Variants in RPS6KA6 observed in about 807,000 individuals in gnomAD.
RPS6KA6 encodes ribosomal protein S6 kinase alpha-6.
Under a neutral mutation model 65.4 loss-of-function variants are expected in RPS6KA6, and 27 were observed. The ratio of observed to expected loss-of-function variants is 0.41; its 90% CI spans 0.30 to 0.57. The LOEUF is 0.57. Ranked by LOEUF, RPS6KA6 falls within the 20% of genes least tolerant of loss-of-function variation. RPS6KA6 has a pLI of 0.24. For synonymous variants in RPS6KA6, 190 were observed against 184.2 expected, an observed-to-expected ratio of 1.03 and a Z score of -0.26; for missense variants, 486 against 555.6, an observed-to-expected ratio of 0.87 and a Z score of 1.26.
intron 7 of RPS6KA6, 81 bp downstream of exon 7, chrX:84,135,023 T>C (rs751760231): frequency 2.5e-5 from 18 of 714,183 alleles, no homozygotes; most frequent in Non-Finnish European, 3.6e-5. Context: ...TTCCCTATAA[T>C]ATTTAAAAGA....
At chrX:84,170,696 A>AC (rs1197929504) in intron 1 of RPS6KA6, among the ~76,000 whole-genome samples, 1 of 111,304 alleles carries the variant, frequency 9.0e-6, no homozygotes, top group Non-Finnish European at 1.9e-5. Flanking sequence ...CCAGGACAAA[A>AC]TAAAACAGAG....
At chrX:84,095,003 T>A (rs1326325931) in intron 20 of RPS6KA6, among the ~76,000 whole-genome samples, 1 of 112,178 alleles carries the variant, frequency 8.9e-6, no homozygotes, top group African/African-American at 3.2e-5. Context: ...GAAATGAATT[T>A]TGGAGTTATA....
chrX:84,128,894 C>T lies in RPS6KA6; in HGVS notation c.646+5888G>A, dbSNP rs761760114. Reference sequence around the variant, plus strand: ...GAGACCTTGAACAATAAAACTACTACAAGAAAACATTGGATAAACTTGCCA... The same window carrying T: ...GAGACCTTGAACAATAAAACTACTATAAGAAAACATTGGATAAACTTGCCA... On this transcript the variant is annotated intron_variant, in intron 8 of 21. Transcript: ENST00000262752. 9.7e-4 allele frequency among the ~76,000 whole-genome samples: 108 copies of T among 111,861 alleles called. No homozygotes were observed. The South Asian group carries it at 0.011, about 12-fold the overall frequency.
In RPS6KA6 at chrX:84,141,303, T is replaced by C. The variant is rs185839915; in HGVS notation, c.501+4175A>G. The stretch of plus-strand genomic sequence containing the variant: ...GCCTGAAGACCATATTTTCCTGACC[T>C]CTGAGTTAAAACTTATACTACAAAT... On this transcript the variant is annotated intron_variant, in intron 6 of 21. Transcript: ENST00000262752. Among the ~76,000 whole-genome samples, 311 of 109,951 alleles carry C rather than the reference T, an allele frequency of 2.8e-3. 1 individual carries two copies. The highest frequency in any genetic ancestry group is 9.8e-3 in the African/African-American group (298 of 30,328).
At chrX:84,173,885 G>A (rs6622943) in intron 1 of RPS6KA6, among the ~76,000 whole-genome samples, 6,880 of 111,044 alleles carry the variant, frequency 0.062, 228 homozygotes, top group East Asian at 0.2. Flanking sequence ...ATTATGATAG[G>A]ATCACTTTTG....
chrX:84,075,928 A>G (rs973608172), intron 20 of RPS6KA6, among the ~76,000 whole-genome samples: 4 of 112,332 alleles, frequency 3.6e-5, no homozygotes, highest in Non-Finnish European at 5.6e-5. Context: ...AAAAACCATT[A>G]TAACTGCAAA....
chrX:84,106,543 T>C, intron 14 of RPS6KA6, 56 bp from the exon 15 acceptor site: 1 of 853,104 alleles, frequency 1.2e-6, no homozygotes, highest in South Asian at 2.5e-5. Context: ...TCACATTTTC[T>C]GTCTTTTGTC....
In RPS6KA6 at chrX:84,187,695, T is replaced by A. The variant is rs911358405; in HGVS notation, c.81+124A>T. 4 of 625,874 alleles carry A rather than the reference T, an allele frequency of 6.4e-6. No homozygotes were observed. In the African/African-American group the frequency reaches 9.3e-5, roughly 15 times the overall value. 51.6% of individuals were successfully genotyped at this position (625,874 alleles called of 1,213,427 possible). A position where few individuals can be genotyped will look rare whatever the true frequency, so the allele number is the denominator to read the frequency against. ...CAGCGAAAGGGCAGTGGAGGCAGCA[T>A]CAAGGGGGCTTGCCCGGGAGCCCGC... On this transcript the variant is annotated intron_variant, in intron 1 of 21. Coordinates refer to ENST00000262752, the MANE Select transcript of RPS6KA6 (RefSeq NM_014496.5).
intron 2 of RPS6KA6, 35 bp downstream of exon 2, chrX:84,164,293 A>T (rs1452409709): frequency 1.9e-6 from 2 of 1,053,816 alleles, no homozygotes; most frequent in South Asian, 3.9e-5. Context: ...TTATATGCTA[A>T]AAATGTGGCT....
At chrX:84,105,925 G>C (rs2034351869) in intron 15 of RPS6KA6, 49 bp from the exon 16 acceptor site, 1 of 707,424 alleles carries the variant, frequency 1.4e-6, no homozygotes, top group Non-Finnish European at 2.2e-6. Flanking sequence ...AAATTATTTT[G>C]TCTAAAATGA....
At position 84,062,864 on chromosome X, in the gene RPS6KA6, C is replaced by A. The variant is rs1314879268; in HGVS notation, c.*1413G>T. ...CACGCACAAGTAGTTCACTTATATT[C>A]ACTAAAGAAAACTGTGATATCCTCC... On this transcript the variant is annotated 3_prime_UTR_variant, in exon 22 of 22. Coordinates refer to ENST00000262752, the MANE Select transcript of RPS6KA6 (RefSeq NM_014496.5). 1 of 110,847 alleles carries A rather than the reference C, an allele frequency of 9.0e-6. No homozygotes were observed. The highest frequency in any genetic ancestry group is 2.8e-4 in the East Asian group (1 of 3,543). 9.1% of individuals were successfully genotyped at this position (110,847 alleles called of 1,213,427 possible).
intron 1 of RPS6KA6, among the ~76,000 whole-genome samples, chrX:84,173,184 A>G (rs1331628162): frequency 9.0e-6 from 1 of 111,101 alleles, no homozygotes; most frequent in Non-Finnish European, 1.9e-5. Flanking sequence ...GTAATACATC[A>G]CATCAGGTAA....
At chrX:84,163,105 G>T (rs1040038889) in intron 2 of RPS6KA6, among the ~76,000 whole-genome samples, 1 of 111,231 alleles carries the variant, frequency 9.0e-6, no homozygotes, top group African/African-American at 3.3e-5. Context: ...TTGGTGGAGG[G>T]GTCATCAAAG....
At chrX:84,084,858 AT>A (rs760275194) in intron 20 of RPS6KA6, among the ~76,000 whole-genome samples, 2 of 111,465 alleles carry the variant, frequency 1.8e-5, no homozygotes, top group Non-Finnish European at 3.8e-5. Context: ...ACGTTTTTCC[AT>A]TTGTTTGTGT....
chrX:84,168,357 A>G (rs1282203543), intron 1 of RPS6KA6, among the ~76,000 whole-genome samples: 1 of 111,404 alleles, frequency 9.0e-6, no homozygotes, highest in Admixed American at 9.6e-5. Context: ...ACATTTCCAC[A>G]TGTTTATCTC....
At chrX:84,085,090 A>C (rs1158148222) in intron 20 of RPS6KA6, among the ~76,000 whole-genome samples, 1 of 111,967 alleles carries the variant, frequency 8.9e-6, no homozygotes, top group Non-Finnish European at 1.9e-5. Context: ...CATCAGCTTA[A>C]GAAGCTTTTG....
intron 12 of RPS6KA6, among the ~76,000 whole-genome samples, chrX:84,113,169 TA>T (rs997402908): frequency 9.1e-6 from 1 of 110,257 alleles, no homozygotes. Flanking sequence ...GAGCCAGTAA[TA>T]AAAAAATGTT....
intron 19 of RPS6KA6, among the ~76,000 whole-genome samples, chrX:84,096,575 G>GA (rs757748865): frequency 1.8e-5 from 2 of 110,973 alleles, no homozygotes; most frequent in Non-Finnish European, 3.8e-5. Context: ...AAATAAAGGT[G>GA]GCTTTTCATG....
At chrX:84,108,207 A>C (rs1229944090) in intron 12 of RPS6KA6, among the ~76,000 whole-genome samples, 5 of 112,329 alleles carry the variant, frequency 4.5e-5, no homozygotes, top group Non-Finnish European at 9.4e-5. Context: ...AGGCATAGAA[A>C]ATTTCTAATA....
Sources: gnomAD v4.1 joint callset for allele counts (sites outside exome capture counted in the v4.1 genomes callset) on GRCh38, gnomAD v4.1.1 for gene constraint, MANE v1.5 for transcripts, NCBI Gene and HGNC (gene_info 2026-07-23, HGNC 2026-07-21) for gene names.